CNTN1: variants seen among roughly 807,000 people sequenced by gnomAD.
The protein encoded by CNTN1 is contactin 1.
In CNTN1, 38 loss-of-function variants were observed where a neutral mutation model predicts 126.4. That is an observed-to-expected ratio of 0.30 (90% confidence interval 0.23 to 0.39). CNTN1 has a LOEUF of 0.39. Among genes scored for constraint, CNTN1 ranks in the 10% least tolerant of loss-of-function variants. CNTN1 has a pLI of 1.00. For synonymous variants in CNTN1, 413 were observed against 422.6 expected (o/e 0.98, Z 0.28); for missense variants, 1,009 against 1,248.4 (o/e 0.81, Z 2.89).
chr12:40,919,870 G>A (rs961832761), intron 4 of CNTN1, among the ~76,000 whole-genome samples: 2 of 151,958 alleles, frequency 1.3e-5, no homozygotes, highest in East Asian at 3.9e-4. Flanking sequence ...ATATTTGATG[G>A]GCTAGACTTA....
intron 23 of CNTN1, among the ~76,000 whole-genome samples, chr12:41,054,437 A>G (rs183306838): frequency 1.3e-5 from 2 of 152,092 alleles, no homozygotes; most frequent in Admixed American, 1.3e-4. Flanking sequence ...TATACACAAG[A>G]TGAAAAATCA....
chr12:40,863,933 TCCCTC>T lies in CNTN1; in HGVS notation c.-76-44421_-76-44417del, dbSNP rs1943202919. On this transcript the variant is annotated intron_variant, in intron 1 of 23. Coordinates refer to ENST00000551295, the MANE Select transcript of CNTN1 (RefSeq NM_001843.4). Reference sequence around the variant, plus strand: ...CGACCTTCCTTCCTTCCTTCCTCCCTCCCTCCCTCCCTCCCTCCCTCTCTTCTCCT... The same window carrying T: ...CGACCTTCCTTCCTTCCTTCCTCCCTCCTCCCTCCCTCCCTCTCTTCTCCT... 2.2e-5 allele frequency among the ~76,000 whole-genome samples: 3 copies of T among 138,820 alleles called. No homozygotes were observed. In the South Asian group the frequency reaches 7.7e-4, roughly 36 times the overall value. 91.1% of individuals were successfully genotyped at this position (138,820 alleles called of 152,430 possible). A position where few individuals can be genotyped will look rare whatever the true frequency, so the allele number is the denominator to read the frequency against.
intron 1 of CNTN1, among the ~76,000 whole-genome samples, chr12:40,903,138 T>C (rs900421204): frequency 1.3e-5 from 2 of 152,170 alleles, no homozygotes; most frequent in African/African-American, 4.8e-5. Flanking sequence ...CCATCAGTCA[T>C]GGAGACCCAC....
At chr12:40,911,959 T>C (rs1184118717) in intron 3 of CNTN1, among the ~76,000 whole-genome samples, 1 of 151,760 alleles carries the variant, frequency 6.6e-6, no homozygotes. Flanking sequence ...GAGGAGCTGA[T>C]TAGTCAACCA....
chr12:40,714,132 T>G (rs1373424), intron 1 of CNTN1, among the ~76,000 whole-genome samples: 130,452 of 152,074 alleles, frequency 0.86, 56,193 homozygotes, highest in East Asian at 1. Context: ...ACAATTGGAA[T>G]TTGACTTAGC....
chr12:40,853,953 C>T (rs749324969), intron 1 of CNTN1, among the ~76,000 whole-genome samples: 3 of 150,614 alleles, frequency 2.0e-5, no homozygotes, highest in Non-Finnish European at 4.4e-5. Context: ...ATGAAGCTTC[C>T]TGTACCTCCA....
At chr12:41,063,118 C>G (rs567734496) in intron 23 of CNTN1, among the ~76,000 whole-genome samples, 1 of 152,332 alleles carries the variant, frequency 6.6e-6, no homozygotes, top group South Asian at 2.1e-4. Flanking sequence ...TCGAACGCTG[C>G]ACCTACCTTG....
intron 14 of CNTN1, among the ~76,000 whole-genome samples, chr12:40,948,981 T>G (rs1297297641): frequency 1.3e-5 from 2 of 152,214 alleles, no homozygotes; most frequent in Non-Finnish European, 2.9e-5. Context: ...TTTTTCTGAG[T>G]GCATAAGCAA....
At chr12:40,721,754 A>G (rs1448583206) in intron 1 of CNTN1, among the ~76,000 whole-genome samples, 1 of 131,638 alleles carries the variant, frequency 7.6e-6, no homozygotes, top group African/African-American at 2.9e-5. Context: ...TCCTATGTCT[A>G]TGTGTTTTCA....
chr12:40,885,617 C>A (rs979966244), intron 1 of CNTN1, among the ~76,000 whole-genome samples: 3 of 151,892 alleles, frequency 2.0e-5, no homozygotes, highest in African/African-American at 7.3e-5. Context: ...TGTGAGAACT[C>A]CAATGAGAAT....
At chr12:40,820,921 G>A (rs572411457) in intron 1 of CNTN1, among the ~76,000 whole-genome samples, 21 of 152,208 alleles carry the variant, frequency 1.4e-4, no homozygotes, top group Admixed American at 1.1e-3. Flanking sequence ...TTGAACCTTT[G>A]AGCAATCCCA....
At chr12:40,731,327 G>A (rs1242214521) in intron 1 of CNTN1, among the ~76,000 whole-genome samples, 1 of 151,726 alleles carries the variant, frequency 6.6e-6, no homozygotes, top group Non-Finnish European at 1.5e-5. Context: ...TTTTTAAAGA[G>A]GCCAAACAGG....
chr12:40,942,641 T>C (rs1437803952), intron 12 of CNTN1, among the ~76,000 whole-genome samples: 2 of 152,002 alleles, frequency 1.3e-5, no homozygotes, highest in East Asian at 3.9e-4. Context: ...CTCCTCAGAG[T>C]TGGAGAGTGG....
intron 1 of CNTN1, among the ~76,000 whole-genome samples, chr12:40,792,647 T>A (rs988159518): frequency 6.6e-6 from 1 of 152,110 alleles, no homozygotes; most frequent in African/African-American, 2.4e-5. Flanking sequence ...ACCTCTCTTC[T>A]ACTTTTTATC....
At chr12:40,857,357 G>A (rs1565840360) in intron 1 of CNTN1, among the ~76,000 whole-genome samples, 4 of 152,138 alleles carry the variant, frequency 2.6e-5, no homozygotes, top group Non-Finnish European at 5.9e-5. Context: ...GTATGGGCAG[G>A]TAATACCTCT....
intron 17 of CNTN1, among the ~76,000 whole-genome samples, chr12:40,999,682 T>TA (rs1388655767): frequency 6.6e-6 from 1 of 150,758 alleles, no homozygotes; most frequent in Non-Finnish European, 1.5e-5. Flanking sequence ...GAGAAGCAGT[T>TA]ACTGTTCTTC....
At chr12:41,040,275 A>G (rs2120938653) in intron 23 of CNTN1, among the ~76,000 whole-genome samples, 1 of 152,288 alleles carries the variant, frequency 6.6e-6, no homozygotes, top group African/African-American at 2.4e-5. Flanking sequence ...ATCAAGATTC[A>G]TGGCTGGTCT....
chr12:40,844,943 A>G (rs1013542112), intron 1 of CNTN1, among the ~76,000 whole-genome samples: 1 of 152,212 alleles, frequency 6.6e-6, no homozygotes. Flanking sequence ...GTCTTTCTCC[A>G]GAAAATAAAG....
chr12:40,826,243 A>G (rs1941610186), intron 1 of CNTN1, among the ~76,000 whole-genome samples: 1 of 152,116 alleles, frequency 6.6e-6, no homozygotes, highest in Non-Finnish European at 1.5e-5. Flanking sequence ...TGATCTTTTT[A>G]TATGAAATTG....
Sources: allele counts gnomAD v4.1 joint callset (sites outside exome capture counted in the v4.1 genomes callset), GRCh38; gene constraint gnomAD v4.1.1; transcripts MANE v1.5; gene names NCBI Gene and HGNC (gene_info 2026-07-23, HGNC 2026-07-21).